Variants in EPB41L1 observed in about 807,000 individuals in gnomAD.
EPB41L1 encodes band 4.1-like protein 1.
A neutral mutation model predicts 97.8 loss-of-function variants in EPB41L1; 29 were observed. That is an observed-to-expected ratio of 0.30 (90% confidence interval 0.22 to 0.40). The LOEUF (loss-of-function observed/expected upper bound fraction) is 0.40. Ranked by LOEUF, EPB41L1 falls within the 10% of genes least tolerant of loss-of-function variation. EPB41L1 has a pLI of 1.00. For synonymous variants in EPB41L1, 383 were observed against 459.2 expected (o/e 0.83, Z 2.12); for missense variants, 812 against 1,162.3 (o/e 0.70, Z 4.38).
In EPB41L1 at chr20:36,207,924, T is replaced by A; in HGVS notation, c.1669-1564T>A. The A allele has an allele frequency of 1.0e-6, 1 of 988,698 alleles. No homozygotes were observed. The highest frequency in any genetic ancestry group is 1.6e-5 in the South Asian group (1 of 61,038). The allele number at this position is 988,698 out of a possible 1,614,324, so 61.2% of individuals were successfully genotyped here. On this transcript the variant is annotated intron_variant, in intron 14 of 21. Transcript: ENST00000338074. The surrounding 1 kb of genome is among the most constrained non-coding windows in gnomAD (Gnocchi z 4.9). ...GGCTGCTTATCCATCCCTGTGAGTTTTTTCCCTAAACGGGCCTGGGTGTAG... is the reference window on the plus strand; with the variant it reads ...GGCTGCTTATCCATCCCTGTGAGTTATTTCCCTAAACGGGCCTGGGTGTAG...
Position 36,206,116 on chromosome 20 carries a change from G to A in EPB41L1, c.1669-3372G>A, listed in dbSNP as rs1221916599. 1 of 1,289,900 alleles carries A rather than the reference G, an allele frequency of 7.8e-7. No homozygotes were observed. Among genetic ancestry groups the A allele is most frequent in the East Asian group, 5.5e-5 (1 of 18,020 alleles). The allele number at this position is 1,289,900 out of a possible 1,614,324, so 79.9% of individuals were successfully genotyped here. A position where few individuals can be genotyped will look rare whatever the true frequency, so the allele number is the denominator to read the frequency against. On this transcript the variant is annotated intron_variant, in intron 14 of 21. Coordinates refer to ENST00000338074, the MANE Select transcript of EPB41L1 (RefSeq NM_012156.2). The surrounding 1 kb of genome is among the most constrained non-coding windows in gnomAD (Gnocchi z 5.5). ...TGAAGACTTTGAGTCAGTGGGGGAG[G>A]AAGGCCCCTGGATCAGGGAAAGCCC... is the stretch of plus-strand genomic sequence containing the variant.
chr20:36,189,089 A>T (rs567556628), intron 9 of EPB41L1, among the ~76,000 whole-genome samples: 1 of 152,092 alleles, frequency 6.6e-6, no homozygotes, highest in East Asian at 1.9e-4. Flanking sequence ...TTTTCCTTCA[A>T]TTACCTACAT....
In EPB41L1 at chr20:36,232,568, A is replaced by G. The variant is rs534930938; in HGVS notation, c.*3228A>G. The G allele has an allele frequency of 1.8e-5, 7 of 399,000 alleles. No individual in the cohort carries two copies. The highest frequency in any genetic ancestry group is 1.4e-4 in the African/African-American group (7 of 48,730). 24.7% of individuals were successfully genotyped at this position (399,000 alleles called of 1,614,324 possible). ...GTTTCAGTTTTTGAATCCTGCAAGC[A>G]CATTCCAAGACTGGCCTGAAACTGC... On this transcript the variant is annotated 3_prime_UTR_variant, in exon 22 of 22. Transcript: ENST00000338074.
At chr20:36,148,884 G>A (rs2059938272) in intron 2 of EPB41L1, 1 of 152,288 alleles carries the variant, frequency 6.6e-6, no homozygotes, top group Non-Finnish European at 1.5e-5. Flanking sequence ...AAAAGTAGAG[G>A]CAAGGATGAG....
chr20:36,223,083 A>C (rs2063886588), intron 21 of EPB41L1, among the ~76,000 whole-genome samples: 1 of 152,166 alleles, frequency 6.6e-6, no homozygotes, highest in African/African-American at 2.4e-5. Flanking sequence ...TTTTTAGTAA[A>C]GACGTGGTTT....
intron 14 of EPB41L1, chr20:36,200,930 G>A (rs748914712): frequency 6.1e-5 from 28 of 456,628 alleles, no homozygotes; most frequent in Non-Finnish European, 1.1e-4. Context: ...TGGAGCAGCC[G>A]CAGGCTTGGA....
intron 2 of EPB41L1, among the ~76,000 whole-genome samples, chr20:36,142,574 T>A (rs1178373615): frequency 3.9e-5 from 6 of 152,206 alleles, no homozygotes; most frequent in Non-Finnish European, 8.8e-5. Context: ...CGGCTCATTA[T>A]CTTAATAACC....
At chr20:36,202,727 C>A (rs1342798645) in intron 14 of EPB41L1, among the ~76,000 whole-genome samples, 1 of 150,872 alleles carries the variant, frequency 6.6e-6, no homozygotes, top group South Asian at 2.1e-4. Context: ...GCAGGAGAAT[C>A]GCTTGAACTC....
At chr20:36,194,148 G>T in intron 11 of EPB41L1, 64 bp from the exon 12 acceptor site, 3 of 1,608,784 alleles carry the variant, frequency 1.9e-6, no homozygotes, top group Non-Finnish European at 2.5e-6. Context: ...GGGCTGGGCT[G>T]GTTCTCTGTC....
chr20:36,217,002 A>T lies in EPB41L1; in HGVS notation c.2269-1874A>T, dbSNP rs192703881. Among the ~76,000 whole-genome samples the T allele has an allele frequency of 1.1e-4, 17 of 152,304 alleles. No individual in the cohort carries two copies. The East Asian group carries it at 3.1e-3, about 28-fold the overall frequency. ...AGGCAGGTCCTTTGGGCTCCTCCTT[A>T]GACCTATTGACTCGGAAACTCTAGG... On this transcript the variant is annotated intron_variant, in intron 17 of 21. Coordinates refer to ENST00000338074, the MANE Select transcript of EPB41L1 (RefSeq NM_012156.2).
chr20:36,113,245 G>A (rs1012214441), intron 2 of EPB41L1, among the ~76,000 whole-genome samples: 1 of 152,202 alleles, frequency 6.6e-6, no homozygotes, highest in Admixed American at 6.5e-5. Context: ...TCAGCCAATG[G>A]AGTTACATTG....
chr20:36,142,002 G>A (rs113635158), intron 2 of EPB41L1, among the ~76,000 whole-genome samples: 3,805 of 151,834 alleles, frequency 0.025, 54 homozygotes, highest in Non-Finnish European at 0.038. Context: ...CCAATTACTC[G>A]GGAGGCTGAG....
rs377408597 is a variant in EPB41L1, at chr20:36,218,932, G to A, written c.2325G>A (p.Thr775=). The part of the protein sequence containing the change: ...GAAAMIPGPQ[T]VATEIRSLSP... ...CTGCCATGATCCCAGGCCCACAGAC[G>A]GTGGCCACGGAAATCCGTTCTCTTT... Residue 775 remains threonine (T), a synonymous_variant, in exon 18 of 22, where the codon ACG becomes ACA. Transcript: ENST00000338074. 6.2e-6 allele frequency: 10 copies of A among 1,614,090 alleles called. No homozygotes were observed. The highest frequency in any genetic ancestry group is 1.1e-5 in the South Asian group (1 of 91,082).
At position 36,190,785 on chromosome 20, in the gene EPB41L1, A is replaced by T; in HGVS notation, c.1288A>T (p.Ser430Cys). 1 of 1,613,956 alleles carries T rather than the reference A, an allele frequency of 6.2e-7. No homozygotes were observed. The highest frequency in any genetic ancestry group is 8.5e-7 in the Non-Finnish European group (1 of 1,180,028). ...SSSKRYTMSR[S>C]LDGAEFSRPA... ...CAGCAAACGGTACACCATGTCCCGC[A>T]GCCTTGATGGAGGTATGGCCCAAAT... Residue 430 changes from serine (S) to cysteine (C), a missense_variant, in exon 11 of 22, where the codon AGC (serine) becomes TGC (cysteine). Coordinates refer to ENST00000338074, the MANE Select transcript of EPB41L1 (RefSeq NM_012156.2). The surrounding 1 kb of genome is among the most constrained non-coding windows in gnomAD (Gnocchi z 5.8).
At chr20:36,226,616 C>T (rs1001097724) in intron 21 of EPB41L1, among the ~76,000 whole-genome samples, 3 of 152,210 alleles carry the variant, frequency 2.0e-5, no homozygotes, top group Admixed American at 2.0e-4. Flanking sequence ...CCAAGATCAT[C>T]CATGCAGCAT....
chr20:36,181,375 C>T (rs547302404), intron 5 of EPB41L1, among the ~76,000 whole-genome samples: 1 of 152,364 alleles, frequency 6.6e-6, no homozygotes, highest in South Asian at 2.1e-4. Flanking sequence ...AGCTTGCTTC[C>T]AGCTATAACC....
intron 11 of EPB41L1, among the ~76,000 whole-genome samples, chr20:36,191,945 G>T (rs559706390): frequency 6.6e-6 from 1 of 152,182 alleles, no homozygotes; most frequent in Admixed American, 6.5e-5. Flanking sequence ...GGAAGTGGGG[G>T]CTGGGCATGG....
At chr20:36,179,695 G>C (rs1337932199) in intron 5 of EPB41L1, among the ~76,000 whole-genome samples, 1 of 152,232 alleles carries the variant, frequency 6.6e-6, no homozygotes, top group Non-Finnish European at 1.5e-5. Context: ...GGTCTCTCCT[G>C]AACTCCCTGG....
chr20:36,197,912 G>A lies in EPB41L1; in HGVS notation c.1539G>A (p.Glu513=), dbSNP rs45588736. 584 of 1,614,118 alleles carry A rather than the reference G, an allele frequency of 3.6e-4. 2 individuals are homozygous for A. The highest frequency in any genetic ancestry group is 4.3e-4 in the Non-Finnish European group (508 of 1,180,020). The change falls in exon 14 of 22, where the codon GAG becomes GAA. Residue 513 remains glutamate (E), a synonymous_variant. Transcript: ENST00000338074. ...TGAAGCACCAGGCCAGCATCAATGA[G>A]CTCAAAAGGACCCTGAAGGAGCCCA... ...VLLKHQASIN[E]LKRTLKEPNS...
Sources: gnomAD v4.1 joint callset for allele counts (sites outside exome capture counted in the v4.1 genomes callset) on GRCh38, gnomAD v4.1.1 for gene constraint, Gnocchi (gnomAD v3.1) non-coding constraint, MANE v1.5 for transcripts, NCBI Gene and HGNC (gene_info 2026-07-23, HGNC 2026-07-21) for gene names.